Variants in ERGIC2 observed in about 807,000 individuals in gnomAD.
ERGIC2 encodes endoplasmic reticulum-Golgi intermediate compartment protein 2.
Under a neutral mutation model 52.5 loss-of-function variants are expected in ERGIC2, and 31 were observed. The ratio of observed to expected loss-of-function variants is 0.59; its 90% CI spans 0.44 to 0.80. The LOEUF is 0.80. Ranked by LOEUF, ERGIC2 falls within the 30% of genes least tolerant of loss-of-function variation. ERGIC2 has a pLI of 0.00. For synonymous variants in ERGIC2, 129 were observed against 140.6 expected (o/e 0.92, Z 0.58); for missense variants, 395 against 455.2 (o/e 0.87, Z 1.20).
At chr12:29,358,171 A>G (rs893642071) in intron 6 of ERGIC2, among the ~76,000 whole-genome samples, 2 of 152,232 alleles carry the variant, frequency 1.3e-5, no homozygotes, top group African/African-American at 4.8e-5. Context: ...AACTCATACC[A>G]CAAGTAACTG....
At chr12:29,376,798 G>C (rs964913549) in intron 1 of ERGIC2, among the ~76,000 whole-genome samples, 1 of 152,130 alleles carries the variant, frequency 6.6e-6, no homozygotes, top group Admixed American at 6.5e-5. Context: ...GATCATCAAT[G>C]CTTGCCAGAA....
intron 11 of ERGIC2, among the ~76,000 whole-genome samples, chr12:29,344,849 A>T (rs571021387): frequency 6.6e-6 from 1 of 152,304 alleles, no homozygotes; most frequent in East Asian, 1.9e-4. Context: ...ACATGACCCC[A>T]AAGTAGATAA....
Position 29,366,865 on chromosome 12 carries a change from A to C in ERGIC2, c.333+12T>G, listed in dbSNP as rs1740453524. 1 of 1,575,104 alleles carries C rather than the reference A, an allele frequency of 6.3e-7. No individual in the cohort carries two copies. The highest frequency in any genetic ancestry group is 1.4e-5 in the African/African-American group (1 of 73,764). ...CCCGTGTATTTCAAAAAACCATGTG[A>C]ATCAAACTTACTGGTTCATAAACTA... is the stretch of plus-strand genomic sequence containing the variant. On this transcript the variant is annotated intron_variant, in intron 5 of 13. Transcript: ENST00000360150.
At chr12:29,380,519 T>C (rs1592004000) in intron 1 of ERGIC2, 1 of 152,194 alleles carries the variant, frequency 6.6e-6, no homozygotes, top group East Asian at 1.9e-4. Flanking sequence ...CACCACGAGT[T>C]GACACGTTGC....
intron 13 of ERGIC2, among the ~76,000 whole-genome samples, chr12:29,341,428 ACG>A (rs1432431640): frequency 0.031 from 3 of 98 alleles, no homozygotes; most frequent in East Asian, 0.25. Context: ...GTGCAGTGGT[ACG>A]TACGATCATA....
rs538991457 is a variant in ERGIC2 at position 29,340,855 on chromosome 12, T to C, written c.*301A>G. The C allele has an allele frequency of 3.1e-4, 145 of 464,136 alleles. No individual in the cohort carries two copies. The highest frequency in any genetic ancestry group is 6.4e-4 in the Middle Eastern group (2 of 3,104). The allele number at this position is 464,136 out of a possible 1,614,324, so 28.8% of individuals were successfully genotyped here. A position where few individuals can be genotyped will look rare whatever the true frequency, so the allele number is the denominator to read the frequency against. The stretch of plus-strand genomic sequence containing the variant: ...CAGGCTTTTTATCAGCAAGAAGCAA[T>C]GTCTGATTTTGATACCACCCATTTG... On this transcript the variant is annotated 3_prime_UTR_variant, in exon 14 of 14. Coordinates refer to ENST00000360150, the MANE Select transcript of ERGIC2 (RefSeq NM_016570.3).
intron 7 of ERGIC2, 41 bp downstream of exon 7, chr12:29,357,582 A>G (rs1361311885): frequency 9.6e-7 from 1 of 1,039,514 alleles, no homozygotes; most frequent in Non-Finnish European, 1.5e-6. Flanking sequence ...GTCAAAGTAA[A>G]TTCATAATAA....
At chr12:29,371,383 G>A in intron 2 of ERGIC2, 145 bp downstream of exon 2, 2 of 546,326 alleles carry the variant, frequency 3.7e-6, no homozygotes. Context: ...ACAGCCAACA[G>A]AGTGGCATGA....
At position 29,380,284 on chromosome 12, in the gene ERGIC2, C is replaced by A. The variant is rs147544813; in HGVS notation, c.-38+831G>T. Among the ~76,000 whole-genome samples the A allele has an allele frequency of 6.7e-3, 1,025 of 152,232 alleles. 12 individuals carry two copies. Among genetic ancestry groups the A allele is most frequent in the African/African-American group, 0.023 (973 of 41,540 alleles). On this transcript the variant is annotated intron_variant, in intron 1 of 13. Coordinates refer to ENST00000360150, the MANE Select transcript of ERGIC2 (RefSeq NM_016570.3). ...GTATACTGGAGTCCAATGTATCAGG[C>A]TAGGCAATTAACTGAAATACTGAAT...
intron 8 of ERGIC2, among the ~76,000 whole-genome samples, chr12:29,355,802 A>G (rs1203807264): frequency 6.6e-6 from 1 of 152,182 alleles, no homozygotes; most frequent in Non-Finnish European, 1.5e-5. Context: ...CCTGGCAAGT[A>G]GAAGGCTGTA....
chr12:29,341,729 C>A lies in ERGIC2; in HGVS notation c.1071+5G>T, dbSNP rs1190612757. The A allele has an allele frequency of 6.7e-7, 1 of 1,493,174 alleles. No individual in the cohort carries two copies. Among genetic ancestry groups the A allele is most frequent in the Non-Finnish European group, 9.3e-7 (1 of 1,070,876 alleles). 92.5% of individuals were successfully genotyped at this position (1,493,174 alleles called of 1,614,324 possible). A position where few individuals can be genotyped will look rare whatever the true frequency, so the allele number is the denominator to read the frequency against. On this transcript the variant is annotated splice_donor_5th_base_variant and intron_variant, in intron 13 of 13. Transcript: ENST00000360150. The stretch of plus-strand genomic sequence containing the variant: ...GATCAGCACCATGTATACTACACCA[C>A]TTACAGAATTGACAGGTTTATAGGA...
Position 29,371,638 on chromosome 12 carries a change from A to C in ERGIC2, c.-5T>G, listed in dbSNP as rs775062759. The C allele has an allele frequency of 6.3e-7, 1 of 1,596,908 alleles. No homozygotes were observed. The highest frequency in any genetic ancestry group is 1.1e-5 in the South Asian group (1 of 90,542). On this transcript the variant is annotated 5_prime_UTR_variant, in exon 2 of 14. Transcript: ENST00000360150. ...TTTCCGATTCAGTCGCCTCATCTTC[A>C]GGAAAACCTTCCTCTTCCTTCATAT...
Position 29,341,185 on chromosome 12 carries a change from A to C in ERGIC2, c.1105T>G (p.Leu369Val). The C allele has an allele frequency of 1.9e-6, 3 of 1,610,332 alleles. No individual in the cohort carries two copies. Among genetic ancestry groups the C allele is most frequent in the Non-Finnish European group, 2.5e-6 (3 of 1,177,846 alleles). The change falls in exon 14 of 14, where the codon TTA becomes GTA. Residue 369 changes from leucine (L) to valine (V), a missense_variant. Coordinates refer to ENST00000360150, the MANE Select transcript of ERGIC2 (RefSeq NM_016570.3). The part of the protein sequence containing the change: ...PFEDGHTDNH[L>V]PLLENNTH Reference sequence around the variant, plus strand: ...TGTGTATTATTTTCTAAAAGAGGTAAGTGGTTGTCTGTGTGGCCATCCTCA... The same window carrying C: ...TGTGTATTATTTTCTAAAAGAGGTACGTGGTTGTCTGTGTGGCCATCCTCA...
At chr12:29,379,992 AT>A (rs1415719144) in intron 1 of ERGIC2, among the ~76,000 whole-genome samples, 2 of 151,848 alleles carry the variant, frequency 1.3e-5, no homozygotes, top group Non-Finnish European at 2.9e-5. Flanking sequence ...AACTTGATAT[AT>A]TTTTATGATT....
At chr12:29,372,293 A>G (rs1940451602) in intron 1 of ERGIC2, among the ~76,000 whole-genome samples, 1 of 152,078 alleles carries the variant, frequency 6.6e-6, no homozygotes, top group Non-Finnish European at 1.5e-5. Context: ...CAGTAAGCCA[A>G]GATCATGCCA....
chr12:29,372,808 T>C, intron 1 of ERGIC2: 1 of 152,000 alleles, frequency 6.6e-6, no homozygotes, highest in Non-Finnish European at 1.5e-5. Context: ...GGCATGCACC[T>C]CCACCCCCAG....
intron 1 of ERGIC2, among the ~76,000 whole-genome samples, chr12:29,378,400 A>C (rs1940543080): frequency 6.6e-6 from 1 of 152,166 alleles, no homozygotes; most frequent in African/African-American, 2.4e-5. Context: ...CTCCCAGCTT[A>C]TAGTAAGTTG....
At chr12:29,363,824 C>A (rs1940318526) in intron 5 of ERGIC2, among the ~76,000 whole-genome samples, 1 of 132,104 alleles carries the variant, frequency 7.6e-6, no homozygotes, top group Non-Finnish European at 1.6e-5. Flanking sequence ...CATCAGGCAT[C>A]TCATAAATGT....
chr12:29,348,482 A>C (rs1216425229), intron 10 of ERGIC2, among the ~76,000 whole-genome samples: 1 of 152,036 alleles, frequency 6.6e-6, no homozygotes, highest in African/African-American at 2.4e-5. Context: ...CTTTCTAAAA[A>C]ACTAAGAAAA....
Sources: gnomAD v4.1 joint callset for allele counts (sites outside exome capture counted in the v4.1 genomes callset) on GRCh38, gnomAD v4.1.1 for gene constraint, MANE v1.5 for transcripts, NCBI Gene and HGNC (gene_info 2026-07-23, HGNC 2026-07-21) for gene names.